Variants in VPS13A observed in about 807,000 individuals in gnomAD.
The protein encoded by VPS13A is intermembrane lipid transfer protein VPS13A.
Under a neutral mutation model 390.9 loss-of-function variants are expected in VPS13A, and 264 were observed. The ratio of observed to expected loss-of-function variants is 0.68; its 90% CI spans 0.61 to 0.75. VPS13A has a LOEUF of 0.75. VPS13A is among the 30% of genes least tolerant of loss of function. VPS13A has a pLI of 0.00. For synonymous variants in VPS13A, 1,231 were observed against 1,227.1 expected, an observed-to-expected ratio of 1.00 and a Z score of -0.07; for missense variants, 3,409 against 3,733.9, an observed-to-expected ratio of 0.91 and a Z score of 2.27.
intron 17 of VPS13A, among the ~76,000 whole-genome samples, chr9:77,229,954 A>G (rs945976934): frequency 1.3e-5 from 2 of 152,150 alleles, no homozygotes; most frequent in Non-Finnish European, 2.9e-5. Context: ...TTTTGATTAC[A>G]GCCATTCTAG....
intron 45 of VPS13A, among the ~76,000 whole-genome samples, chr9:77,327,756 G>T (rs1830084488): frequency 6.6e-6 from 1 of 151,976 alleles, no homozygotes; most frequent in Non-Finnish European, 1.5e-5. Flanking sequence ...CAACAATTCA[G>T]TCACCTCTTC....
intron 68 of VPS13A, among the ~76,000 whole-genome samples, chr9:77,386,374 CTG>C (rs1464014613): frequency 6.6e-6 from 1 of 152,090 alleles, no homozygotes; most frequent in Admixed American, 6.6e-5. Flanking sequence ...GTAAAAGAGA[CTG>C]TGGAAACTAC....
intron 1 of VPS13A, among the ~76,000 whole-genome samples, chr9:77,185,085 A>T (rs1824251651): frequency 6.6e-6 from 1 of 152,104 alleles, no homozygotes; most frequent in South Asian, 2.1e-4. Context: ...TGTGACTGAC[A>T]TCTGAAGTGA....
intron 1 of VPS13A, among the ~76,000 whole-genome samples, chr9:77,180,876 C>G (rs557200656): frequency 3.1e-4 from 47 of 152,238 alleles, no homozygotes; most frequent in African/African-American, 1.1e-3. Context: ...TAGTCTTTAA[C>G]AAATAATTTA....
At chr9:77,379,117 C>T (rs1405147735) in intron 67 of VPS13A, among the ~76,000 whole-genome samples, 1 of 145,690 alleles carries the variant, frequency 6.9e-6, no homozygotes, top group East Asian at 2.0e-4. Flanking sequence ...TCTTGTCACC[C>T]AGGCTGGAGC....
At chr9:77,387,375 G>A (rs1300221770) in intron 68 of VPS13A, among the ~76,000 whole-genome samples, 1 of 152,154 alleles carries the variant, frequency 6.6e-6, no homozygotes, top group Non-Finnish European at 1.5e-5. Context: ...ATTATGTAAT[G>A]CCACACCTTT....
At chr9:77,415,584 A>C (rs1241773874) in intron 71 of VPS13A, among the ~76,000 whole-genome samples, 1 of 152,178 alleles carries the variant, frequency 6.6e-6, no homozygotes, top group African/African-American at 2.4e-5. Context: ...CCTCTCTGGA[A>C]TTGTGTGTAA....
chr9:77,237,696 C>T (rs548777007), intron 17 of VPS13A, among the ~76,000 whole-genome samples: 1 of 152,122 alleles, frequency 6.6e-6, no homozygotes, highest in Non-Finnish European at 1.5e-5. Flanking sequence ...TAGAAGAAAA[C>T]ATGTTTATAG....
At chr9:77,337,218 T>C (rs1830586071) in intron 46 of VPS13A, 37 bp from the exon 47 acceptor site, 1 of 1,577,452 alleles carries the variant, frequency 6.3e-7, no homozygotes, top group African/African-American at 1.3e-5. Flanking sequence ...TGTTTTCCTT[T>C]AAAACATTTT....
At chr9:77,197,906 A>G (rs1199345904) in intron 1 of VPS13A, among the ~76,000 whole-genome samples, 2 of 152,184 alleles carry the variant, frequency 1.3e-5, no homozygotes, top group African/African-American at 4.8e-5. Flanking sequence ...TTATATGCTG[A>G]TCAGCAATAA....
intron 68 of VPS13A, 118 bp downstream of exon 68, chr9:77,382,205 T>G: frequency 7.3e-7 from 1 of 1,362,018 alleles, no homozygotes; most frequent in Non-Finnish European, 9.8e-7. Flanking sequence ...TTAATTCCAC[T>G]TATAAGTTTC....
Position 77,317,669 on chromosome 9 carries a change from G to T in VPS13A, c.4927G>T (p.Asp1643Tyr). The T allele has an allele frequency of 1.3e-6, 2 of 1,598,302 alleles. No homozygotes were observed. The highest frequency in any genetic ancestry group is 1.7e-6 in the Non-Finnish European group (2 of 1,171,644). ...GAAAGGTACAGATCCACAAGTGATC[G>T]ATATGTCAGTAAAATCCCTGACACT... Reference protein sequence around the residue: ...TQKGTDPQVIDMSVKSLTLKV... With the variant: ...TQKGTDPQVIYMSVKSLTLKV... The change falls in exon 40 of 72, where the codon GAT (aspartate) becomes TAT (tyrosine). Residue 1643 changes from aspartate (D) to tyrosine (Y), a missense_variant. Asp to Tyr is a radical substitution (Grantham distance 160). Coordinates refer to ENST00000360280, the MANE Select transcript of VPS13A (RefSeq NM_033305.3).
At chr9:77,198,921 T>A in intron 1 of VPS13A, among the ~76,000 whole-genome samples, 1 of 152,094 alleles carries the variant, frequency 6.6e-6, no homozygotes, top group East Asian at 1.9e-4. Flanking sequence ...CCTCAGCCTC[T>A]CGAAGTGCCA....
intron 71 of VPS13A, among the ~76,000 whole-genome samples, chr9:77,408,052 A>G (rs1834711904): frequency 6.6e-6 from 1 of 152,192 alleles, no homozygotes; most frequent in Non-Finnish European, 1.5e-5. Context: ...AGAAAATCCA[A>G]GTTTGAATAC....
intron 31 of VPS13A, among the ~76,000 whole-genome samples, chr9:77,290,067 C>T (rs748123686): frequency 6.6e-6 from 1 of 152,172 alleles, no homozygotes; most frequent in Non-Finnish European, 1.5e-5. Flanking sequence ...CAGGCGTGAG[C>T]CACCGCATCT....
At chr9:77,409,144 C>G (rs995873755) in intron 71 of VPS13A, among the ~76,000 whole-genome samples, 2 of 152,256 alleles carry the variant, frequency 1.3e-5, no homozygotes, top group Admixed American at 6.5e-5. Context: ...TCACCAATAT[C>G]TGCTGTTCTG....
rs1347719250 is a variant in VPS13A at position 77,221,229 on chromosome 9, C to T, written c.1034C>T (p.Pro345Leu). Residue 345 changes from proline to leucine, a missense_variant, in exon 13 of 72, where the codon CCC becomes CTC. By Grantham distance (98) the Pro-to-Leu change is moderately conservative (BLOSUM62 -3). This residue lies in a region of VPS13A where 2,717 missense variants were observed against 2,917.4 expected (regional missense o/e 0.93). Transcript: ENST00000360280. The part of the protein sequence containing the change: ...IHGVLEVNVC[P>L]RLWMWSWKHI... Reference sequence around the variant, plus strand: ...GGCGTTCTTGAAGTAAATGTTTGCCCCAGGTTATGGATGTGGTCATGGAAG... The same window carrying T: ...GGCGTTCTTGAAGTAAATGTTTGCCTCAGGTTATGGATGTGGTCATGGAAG... The T allele has an allele frequency of 1.2e-6, 2 of 1,612,908 alleles. No individual in the cohort carries two copies. Among genetic ancestry groups the T allele is most frequent in the Non-Finnish European group, 1.7e-6 (2 of 1,179,512 alleles).
rs1201691387 is a variant in VPS13A, at chr9:77,293,420, C to A, written c.3419C>A (p.Thr1140Lys). The A allele has an allele frequency of 1.2e-6, 2 of 1,612,422 alleles. No homozygotes were observed. The highest frequency in any genetic ancestry group is 4.5e-5 in the East Asian group (2 of 44,716). The change falls in exon 32 of 72, where the codon ACA becomes AAA. Residue 1140 changes from threonine (T) to lysine (K), a missense_variant. Around this residue, in one of 5 missense-constraint regions of VPS13A, gnomAD observed 2,717 missense variants for 2,917.4 expected, o/e 0.93. Transcript: ENST00000360280. ...YMDATAGSAY[T>K]DMNVVDIQVN... is the part of the protein sequence containing the mutation. ...GATGCAACTGCTGGTTCTGCATACACAGATATGAATGTGGTTGACATTCAG... is the reference window on the plus strand; with the variant it reads ...GATGCAACTGCTGGTTCTGCATACAAAGATATGAATGTGGTTGACATTCAG...
intron 45 of VPS13A, among the ~76,000 whole-genome samples, chr9:77,328,358 G>C (rs1014470128): frequency 2.0e-5 from 3 of 152,198 alleles, no homozygotes; most frequent in Non-Finnish European, 2.9e-5. Context: ...AGTAGAGTTA[G>C]CATATTCTTA....
Sources: gnomAD v4.1 joint callset for allele counts (sites outside exome capture counted in the v4.1 genomes callset) on GRCh38, gnomAD v4.1.1 for gene constraint, gnomAD v4.1.1 regional missense constraint, MANE v1.5 for transcripts, NCBI Gene and HGNC (gene_info 2026-07-23, HGNC 2026-07-21) for gene names.